Variants in UPF2 observed in about 807,000 individuals in gnomAD.
UPF2 encodes regulator of nonsense transcripts 2.
A neutral mutation model predicts 141.4 loss-of-function variants in UPF2; 17 were observed. The ratio of observed to expected loss-of-function variants is 0.12; its 90% confidence interval spans 0.08 to 0.18. The LOEUF is 0.18. UPF2 is among the 10% of genes least tolerant of loss of function. The probability of loss-of-function intolerance (pLI) is 1.00; values close to 1 mark genes in which losing one functional copy is unlikely to be tolerated. For missense variants in UPF2, 1,152 were observed against 1,515.9 expected (o/e 0.76, Z 3.99); for synonymous variants, 540 against 498.0 (o/e 1.08, Z -1.12).
chr10:11,974,493 A>G (rs2131219548), intron 9 of UPF2, among the ~76,000 whole-genome samples: 1 of 152,316 alleles, frequency 6.6e-6, no homozygotes, highest in East Asian at 1.9e-4. Context: ...TTGCCCATTC[A>G]GTATGATATT....
At position 12,007,385 on chromosome 10, in the gene UPF2, T is replaced by C. The variant is rs574178857; in HGVS notation, c.1307-2658A>G. On this transcript the variant is annotated intron_variant, in intron 4 of 21. Transcript: ENST00000357604. ...ATCTATAATATGCATAAATATTTTG[T>C]GTATCTAAAAAATAATGTAAATCAT... Among the ~76,000 whole-genome samples the C allele has an allele frequency of 1.1e-3, 166 of 152,262 alleles. 1 individual carries two copies. Among genetic ancestry groups the C allele is most frequent in the African/African-American group, 3.8e-3 (157 of 41,550 alleles).
At position 12,034,532 on chromosome 10, in the gene UPF2, C is replaced by T. The variant is rs145849589; in HGVS notation, c.365+527G>A. ...TCTTTAAAAAATAAACAGCCAGGTG[C>T]GGTGGCTCACACCTGTAATCCCAGC... On this transcript the variant is annotated intron_variant, in intron 2 of 21. Transcript: ENST00000357604. 7.9e-3 allele frequency among the ~76,000 whole-genome samples: 1,117 copies of T among 142,202 alleles called. 12 individuals carry two copies. Among genetic ancestry groups the T allele is most frequent in the African/African-American group, 0.026 (1,046 of 39,988 alleles). The allele number at this position is 142,202 out of a possible 152,430, so 93.3% of individuals were successfully genotyped here.
At chr10:11,977,909 T>C (rs1040582648) in intron 9 of UPF2, among the ~76,000 whole-genome samples, 2 of 152,206 alleles carry the variant, frequency 1.3e-5, no homozygotes, top group Non-Finnish European at 2.9e-5. Context: ...TACGTACTAC[T>C]ACCTATGAAA....
intron 4 of UPF2, among the ~76,000 whole-genome samples, chr10:12,013,016 T>C (rs2131283882): frequency 6.6e-6 from 1 of 151,202 alleles, no homozygotes; most frequent in Admixed American, 6.6e-5. Flanking sequence ...TCCCAGCTAC[T>C]TGGGAGACTG....
At position 11,920,682 on chromosome 10, in the gene UPF2, TC is replaced by T. The variant is rs1832630282; in HGVS notation, c.*615del. The T allele has an allele frequency of 4.1e-6, 1 of 241,728 alleles. No homozygotes were observed. Among genetic ancestry groups the T allele is most frequent in the Admixed American group, 5.1e-5 (1 of 19,736 alleles). The allele number at this position is 241,728 out of a possible 1,614,324, so 15.0% of individuals were successfully genotyped here. ...CTCTGATGGATAAAACGGATTTTTC[TC>T]CCTCATCCCTTGTTCCTCTTGAAAC... On this transcript the variant is annotated 3_prime_UTR_variant, in exon 22 of 22. Coordinates refer to ENST00000357604, the MANE Select transcript of UPF2 (RefSeq NM_015542.4).
At position 11,935,273 on chromosome 10, in the gene UPF2, C is replaced by T. The variant is rs1832835376; in HGVS notation, c.3546+1272G>A. On this transcript the variant is annotated intron_variant, in intron 19 of 21. Transcript: ENST00000357604. This position sits in a 1 kb window ranked among gnomAD's most constrained non-coding sequence, Gnocchi z 4.9. ...GGTGTATTTCTCATATGCCTCCCAA[C>T]ACCAGAATGAAAGCTCGCAAGAGAG... Among the ~76,000 whole-genome samples, 1 of 152,152 alleles carries T rather than the reference C, an allele frequency of 6.6e-6. No homozygotes were observed. The highest frequency in any genetic ancestry group is 1.5e-5 in the Non-Finnish European group (1 of 68,026).
At chr10:11,938,881 T>C (rs971577579) in intron 18 of UPF2, among the ~76,000 whole-genome samples, 14 of 116,516 alleles carry the variant, frequency 1.2e-4, no homozygotes, top group African/African-American at 4.1e-4. Context: ...TTTTTTTTTT[T>C]TGGAGACGGA....
intron 4 of UPF2, among the ~76,000 whole-genome samples, chr10:12,006,088 T>C: frequency 6.9e-6 from 1 of 145,286 alleles, no homozygotes; most frequent in African/African-American, 2.6e-5. Context: ...TTATGTTGCC[T>C]AGGCTGGTCT....
Position 12,029,077 on chromosome 10 carries a change from T to C in UPF2, c.813A>G (p.Glu271=), listed in dbSNP as rs1162379629. The change falls in exon 3 of 22, where the codon GAA becomes GAG. Residue 271 remains glutamate, a synonymous_variant. Transcript: ENST00000357604. The part of the protein sequence containing the change: ...KLRTDLRFIA[E]LTIVGIFTDK... ...CAGTGAAAATCCCAACTATTGTCAA[T>C]TCTGCAATAAAACGCAAATCAGTTC... The C allele has an allele frequency of 1.2e-6, 2 of 1,614,222 alleles. No homozygotes were observed. The highest frequency in any genetic ancestry group is 1.6e-4 in the Middle Eastern group (1 of 6,062).
Position 11,956,244 on chromosome 10 carries a change from A to G in UPF2, c.2574+76T>C, listed in dbSNP as rs1342419660. The G allele has an allele frequency of 7.6e-7, 1 of 1,310,474 alleles. No homozygotes were observed. Among genetic ancestry groups the G allele is most frequent in the Non-Finnish European group, 1.1e-6 (1 of 915,690 alleles). 81.2% of individuals were successfully genotyped at this position (1,310,474 alleles called of 1,614,324 possible). On this transcript the variant is annotated intron_variant, in intron 13 of 21. Coordinates refer to ENST00000357604, the MANE Select transcript of UPF2 (RefSeq NM_015542.4). The surrounding 1 kb of genome is among the most constrained non-coding windows in gnomAD (Gnocchi z 4.2). ...TAAATTTACAGATTCCTATAACTTG[A>G]GTCTCAATAGTAACCTAGAAATAAT...
intron 16 of UPF2, among the ~76,000 whole-genome samples, chr10:11,946,326 T>G (rs555638319): frequency 5.3e-5 from 8 of 152,344 alleles, no homozygotes; most frequent in African/African-American, 1.9e-4. Flanking sequence ...TTTAATCACC[T>G]TAAATTATGA....
chr10:11,953,516 T>C lies in UPF2; in HGVS notation c.2851-1267A>G, dbSNP rs995096984. Among the ~76,000 whole-genome samples the C allele has an allele frequency of 2.6e-5, 4 of 152,232 alleles. No individual in the cohort carries two copies. The highest frequency in any genetic ancestry group is 4.4e-5 in the Non-Finnish European group (3 of 68,042). On this transcript the variant is annotated intron_variant, in intron 14 of 21. Transcript: ENST00000357604. The surrounding 1 kb of genome is among the most constrained non-coding windows in gnomAD (Gnocchi z 5.0). ...CTAGGTATGGCTCTGTTACACATTT[T>C]TGTCTGTTAATCAGTTTGGAAAATA...
At chr10:11,993,149 C>CAAA (rs561323595) in intron 8 of UPF2, among the ~76,000 whole-genome samples, 113 of 80,482 alleles carry the variant, frequency 1.4e-3, no homozygotes, top group East Asian at 2.5e-3. Context: ...GGCTCCACCT[C>CAAA]AAAAAAAAAA....
At chr10:11,975,704 A>C in intron 9 of UPF2, among the ~76,000 whole-genome samples, 1 of 149,718 alleles carries the variant, frequency 6.7e-6, no homozygotes. Context: ...TTTTAGGGAG[A>C]CGGAGTTTCT....
intron 8 of UPF2, among the ~76,000 whole-genome samples, chr10:11,994,829 A>G (rs553475262): frequency 1.6e-4 from 25 of 152,044 alleles, no homozygotes; most frequent in African/African-American, 6.0e-4. Context: ...ACAAAAAATT[A>G]GCCGGGCGTG....
intron 1 of UPF2, among the ~76,000 whole-genome samples, chr10:12,039,511 T>G (rs1834695899): frequency 6.6e-6 from 1 of 152,186 alleles, no homozygotes; most frequent in Non-Finnish European, 1.5e-5. Flanking sequence ...GTGAAAAAAG[T>G]TTATATAGAT....
chr10:12,033,117 T>A (rs1484058988), intron 2 of UPF2, among the ~76,000 whole-genome samples: 1 of 151,986 alleles, frequency 6.6e-6, no homozygotes, highest in Non-Finnish European at 1.5e-5. Context: ...TTAAATTATA[T>A]ATTTGGCCAC....
intron 3 of UPF2, among the ~76,000 whole-genome samples, chr10:12,024,311 T>C (rs1205254383): frequency 6.6e-6 from 1 of 151,856 alleles, no homozygotes; most frequent in African/African-American, 2.4e-5. Context: ...AAAAATTCTT[T>C]TAAAGTTTGG....
In UPF2 at chr10:11,992,749, C is replaced by A. The variant is rs1377216228; in HGVS notation, c.1844+4923G>T. On this transcript the variant is annotated intron_variant, in intron 8 of 21. Transcript: ENST00000357604. This position sits in a 1 kb window ranked among gnomAD's most constrained non-coding sequence, Gnocchi z 4.1. Reference sequence around the variant, plus strand: ...GAGAGTAAAATTCAATTCAATTGTACATAAAAGAGACTCAACTAAAATAAA... The same window carrying A: ...GAGAGTAAAATTCAATTCAATTGTAAATAAAAGAGACTCAACTAAAATAAA... Among the ~76,000 whole-genome samples, 10 of 152,088 alleles carry A rather than the reference C, an allele frequency of 6.6e-5. No homozygotes were observed. In the East Asian group the frequency reaches 1.9e-3, roughly 29 times the overall value.
Sources: allele counts gnomAD v4.1 joint callset (sites outside exome capture counted in the v4.1 genomes callset), GRCh38; gene constraint gnomAD v4.1.1; non-coding constraint Gnocchi (gnomAD v3.1); transcripts MANE v1.5; gene names NCBI Gene and HGNC (gene_info 2026-07-23, HGNC 2026-07-21).